The following OSBPL9 variants were observed in gnomAD, a reference collection of about 807,000 sequenced individuals.
OSBPL9 encodes the protein oxysterol binding protein like 9.
Under a neutral mutation model 106.6 loss-of-function variants are expected in OSBPL9, and 40 were observed. The observed-to-expected ratio is 0.38, with a 90% CI of 0.29 to 0.49. The LOEUF (loss-of-function observed/expected upper bound fraction) is 0.49, where lower values mean the gene tolerates loss of function less well. Among genes scored for constraint, OSBPL9 ranks in the 20% least tolerant of loss-of-function variants. OSBPL9 has a pLI of 0.97. For missense variants in OSBPL9, 609 were observed against 887.2 expected (o/e 0.69, Z 3.98); for synonymous variants, 269 against 295.4 (o/e 0.91, Z 0.92).
chr1:51,695,380 C>A (rs759796915), intron 3 of OSBPL9, among the ~76,000 whole-genome samples: 3 of 152,088 alleles, frequency 2.0e-5, no homozygotes, highest in African/African-American at 7.2e-5. Context: ...AGTATTAGTA[C>A]GAAAATAGTT....
chr1:51,752,382 C>A, intron 8 of OSBPL9: 3 of 317,574 alleles, frequency 9.4e-6, no homozygotes, highest in South Asian at 7.9e-5. Context: ...CTTTTCCTGA[C>A]TCCTGTATCT....
At chr1:51,645,304 A>T (rs951786940) in intron 1 of OSBPL9, among the ~76,000 whole-genome samples, 46 of 152,348 alleles carry the variant, frequency 3.0e-4, no homozygotes, top group African/African-American at 1.1e-3. Context: ...TAGGCAAAAT[A>T]TCTACTCACA....
chr1:51,530,184 A>AAAAAG, the OSBPL9 span, among the ~76,000 whole-genome samples: 4 of 103,410 alleles, frequency 3.9e-5, no homozygotes, highest in Non-Finnish European at 7.9e-5. Flanking sequence ...AAAAAAAAAA[A>AAAAAG]AAAAAAAACA....
upstream of OSBPL9, among the ~76,000 whole-genome samples, chr1:51,615,487 C>A (rs1180584944): frequency 6.6e-6 from 1 of 152,114 alleles, no homozygotes; most frequent in Non-Finnish European, 1.5e-5. Context: ...GTTTTGCCAA[C>A]ACAAAAAGAG....
intron 1 of OSBPL9, among the ~76,000 whole-genome samples, chr1:51,650,081 T>C (rs1216762824): frequency 6.6e-6 from 1 of 152,140 alleles, no homozygotes; most frequent in Non-Finnish European, 1.5e-5. Flanking sequence ...TTCGCCATGT[T>C]GCCCAGGCCG....
the OSBPL9 span, among the ~76,000 whole-genome samples, chr1:51,539,386 C>T: frequency 6.6e-6 from 1 of 152,066 alleles, no homozygotes; most frequent in African/African-American, 2.4e-5. Context: ...TGAAATTAGT[C>T]CATTTCTCTC....
intron 3 of OSBPL9, among the ~76,000 whole-genome samples, chr1:51,693,161 C>T (rs543602928): frequency 6.6e-6 from 1 of 151,966 alleles, no homozygotes; most frequent in South Asian, 2.1e-4. Flanking sequence ...ATAGGTTGAG[C>T]CCAGGATGTC....
At chr1:51,720,501 A>G (rs1236484913) in intron 4 of OSBPL9, among the ~76,000 whole-genome samples, 2 of 151,454 alleles carry the variant, frequency 1.3e-5, no homozygotes, top group Non-Finnish European at 2.9e-5. Flanking sequence ...GATTTTTTGT[A>G]TTTTAGTAGA....
chr1:51,533,845 C>CTTTCT, the OSBPL9 span, among the ~76,000 whole-genome samples: 1 of 116,332 alleles, frequency 8.6e-6, no homozygotes. Flanking sequence ...TTTTTTCTTT[C>CTTTCT]TTTTTTTTTT....
At chr1:51,701,916 C>A (rs534330656) in intron 3 of OSBPL9, among the ~76,000 whole-genome samples, 3 of 151,964 alleles carry the variant, frequency 2.0e-5, no homozygotes, top group African/African-American at 4.8e-5. Flanking sequence ...TTTGTCCTTG[C>A]GATAGTTTGC....
chr1:51,733,680 C>T (rs1235937133), intron 4 of OSBPL9, among the ~76,000 whole-genome samples: 1 of 151,908 alleles, frequency 6.6e-6, no homozygotes, highest in African/African-American at 2.4e-5. Flanking sequence ...GGGGCTGAGG[C>T]AGGAGAATTG....
chr1:51,584,487 G>A (rs1324934682), intron 1 of OSBPL9, among the ~76,000 whole-genome samples: 1 of 152,178 alleles, frequency 6.6e-6, no homozygotes, highest in Non-Finnish European at 1.5e-5. Context: ...GCTGAGGCAG[G>A]TGGATCGCCT....
intron 3 of OSBPL9, among the ~76,000 whole-genome samples, chr1:51,687,473 C>A (rs77269376): frequency 0.012 from 1,814 of 152,180 alleles, 38 homozygotes; most frequent in African/African-American, 0.042. Context: ...GAAGAGAAAA[C>A]TAGTAGAGGC....
At chr1:51,750,526 A>G (rs1669008889) in intron 8 of OSBPL9, among the ~76,000 whole-genome samples, 1 of 152,234 alleles carries the variant, frequency 6.6e-6, no homozygotes, top group Admixed American at 6.5e-5. Context: ...ATAGAGAAGT[A>G]AGTTCTGACA....
At chr1:51,564,332 C>A in the OSBPL9 span, among the ~76,000 whole-genome samples, 1,076 of 152,132 alleles carry the variant, frequency 7.1e-3, 7 homozygotes, top group African/African-American at 0.025. Context: ...TTGTCTCTGG[C>A]CACACCCTCC....
chr1:51,653,113 A>T (rs1646619945), intron 2 of OSBPL9, among the ~76,000 whole-genome samples: 1 of 152,228 alleles, frequency 6.6e-6, no homozygotes, highest in African/African-American at 2.4e-5. Flanking sequence ...GATTTGCAGG[A>T]TGGAAATGAG....
At chr1:51,680,425 G>A (rs986665880) in intron 3 of OSBPL9, among the ~76,000 whole-genome samples, 13 of 151,760 alleles carry the variant, frequency 8.6e-5, no homozygotes, top group African/African-American at 2.4e-4. Flanking sequence ...AGGCCAAGGC[G>A]GGGTAGATCA....
In OSBPL9 at chr1:51,710,919, C is replaced by G. The variant is rs72898065; in HGVS notation, c.242-3084C>G. Among the ~76,000 whole-genome samples, 1,094 of 152,312 alleles carry G rather than the reference C, an allele frequency of 7.2e-3. 10 individuals carry two copies. Among genetic ancestry groups the G allele is most frequent in the African/African-American group, 0.025 (1,052 of 41,562 alleles). ...TCTTTAATCAGTTTTGGAAAATTCT[C>G]AGCCGGACAGTGCTTCCGTGCCATG... On this transcript the variant is annotated intron_variant, in intron 3 of 23. Coordinates refer to ENST00000428468, the MANE Select transcript of OSBPL9 (RefSeq NM_024586.6).
chr1:51,776,963 T>A (rs375977470), intron 15 of OSBPL9, 45 bp downstream of exon 15: 1 of 1,404,600 alleles, frequency 7.1e-7, no homozygotes, highest in African/African-American at 1.4e-5. Flanking sequence ...CAGATGTTAC[T>A]CAGCAGCTTT....
Sources: gnomAD v4.1 joint callset for allele counts (sites outside exome capture counted in the v4.1 genomes callset) on GRCh38, gnomAD v4.1.1 for gene constraint, MANE v1.5 for transcripts, NCBI Gene and HGNC (gene_info 2026-07-23, HGNC 2026-07-21) for gene names.